Variants in HROB observed in about 807,000 individuals in gnomAD.
HROB encodes homologous recombination factor with OB-fold.
In HROB, 44 loss-of-function variants were observed where a neutral mutation model predicts 61.0. The observed-to-expected ratio is 0.72, with a 90% confidence interval of 0.57 to 0.93. HROB has a LOEUF of 0.93. Among genes scored for constraint, HROB ranks in the 40% least tolerant of loss-of-function variants. The pLI, the probability that HROB is intolerant of heterozygous loss-of-function variation, is 0.00. For missense variants in HROB, 716 were observed against 796.2 expected (o/e 0.90, Z 1.21); for synonymous variants, 301 against 310.4 (o/e 0.97, Z 0.32).
chr17:44,154,855 G>A lies in HROB; in HGVS notation c.1561G>A (p.Glu521Lys). 1 of 1,614,058 alleles carries A rather than the reference G, an allele frequency of 6.2e-7. No individual in the cohort carries two copies. The highest frequency in any genetic ancestry group is 8.5e-7 in the Non-Finnish European group (1 of 1,179,994). ...GATGGGCCATGTGGTATTTGCAGGA[G>A]AGATGCAGGGGACGGTGCACAGGTT... Reference protein sequence around the residue: ...ASVVFKDPTGEMQGTVHRLLL... With the variant: ...ASVVFKDPTGKMQGTVHRLLL... Residue 521 changes from glutamate (E) to lysine (K), a missense_variant and splice_region_variant, in exon 7 of 10, where the codon GAG becomes AAG. By Grantham distance (56) the Glu-to-Lys change is moderately conservative. Transcript: ENST00000585683.
At chr17:44,159,227 TAGTTAGA>T (rs2054059843) in intron 9 of HROB, among the ~76,000 whole-genome samples, 3 of 152,250 alleles carry the variant, frequency 2.0e-5, no homozygotes, top group African/African-American at 7.2e-5. Context: ...ATACAGAAAA[TAGTTAGA>T]ATAAGAAAAG....
rs186148735 is a variant in HROB at position 44,157,875 on chromosome 17, G to A, written c.1813G>A (p.Glu605Lys). Residue 605 changes from glutamate to lysine, a missense_variant, in exon 9 of 10, where the codon GAA (glutamate) becomes AAA (lysine). Physicochemically the swap from Glu to Lys is moderately conservative, Grantham distance 56. Transcript: ENST00000585683. ...FQHDVAAKPE[E>K]GFRTAQNLEA... ...GCATGATGTGGCTGCAAAGCCCGAGGAAGGCTTCAGAACAGCACAGAACCT... is the reference window on the plus strand; with the variant it reads ...GCATGATGTGGCTGCAAAGCCCGAGAAAGGCTTCAGAACAGCACAGAACCT... 4.3e-4 allele frequency: 699 copies of A among 1,613,768 alleles called. 1 individual carries two copies. Among genetic ancestry groups the A allele is most frequent in the Non-Finnish European group, 3.3e-5 (39 of 1,179,824 alleles).
chr17:44,154,128 G>A (rs1217024488), intron 5 of HROB, among the ~76,000 whole-genome samples: 3 of 152,050 alleles, frequency 2.0e-5, no homozygotes, highest in Non-Finnish European at 2.9e-5. Context: ...TGGATCACGA[G>A]GTCAGGAGTT....
At chr17:44,153,912 G>C (rs552684333) in intron 5 of HROB, among the ~76,000 whole-genome samples, 7 of 151,692 alleles carry the variant, frequency 4.6e-5, no homozygotes, top group African/African-American at 1.5e-4. Context: ...GCCAGGCTTG[G>C]TGGCACACGC....
rs778245506 is a variant in HROB at position 44,148,581 on chromosome 17, C to T, written c.778C>T (p.Pro260Ser). ...TCCTGTTCCAACTGCCTTAACAGTT[C>T]CCACTCAGCAACTCCACTGGGAAGT... ...HLPVPTALTV[P>S]TQQLHWEVCP... Residue 260 changes from proline to serine, a missense_variant, in exon 3 of 10, where the codon CCC becomes TCC. Coordinates refer to ENST00000585683, the MANE Select transcript of HROB (RefSeq NM_001171251.3). 1.2e-6 allele frequency: 2 copies of T among 1,613,964 alleles called. No individual in the cohort carries two copies. Among genetic ancestry groups the T allele is most frequent in the Non-Finnish European group, 1.7e-6 (2 of 1,180,022 alleles).
At chr17:44,155,741 G>A (rs1191917215) in intron 8 of HROB, among the ~76,000 whole-genome samples, 1 of 152,148 alleles carries the variant, frequency 6.6e-6, no homozygotes, top group Admixed American at 6.5e-5. Context: ...ATGACCGAGG[G>A]TCAGATCTGC....
chr17:44,142,739 C>T (rs1428027131), intron 1 of HROB, among the ~76,000 whole-genome samples: 1 of 152,148 alleles, frequency 6.6e-6, no homozygotes, highest in Non-Finnish European at 1.5e-5. Context: ...GCATCCTACT[C>T]TCCTGGGACC....
At chr17:44,150,296 C>T (rs1268296463) in intron 3 of HROB, among the ~76,000 whole-genome samples, 4 of 152,120 alleles carry the variant, frequency 2.6e-5, no homozygotes, top group Admixed American at 1.3e-4. Flanking sequence ...CGTCTATGTT[C>T]CTCCTGGGCT....
intron 9 of HROB, among the ~76,000 whole-genome samples, chr17:44,161,556 G>C (rs948880320): frequency 4.6e-5 from 7 of 152,192 alleles, no homozygotes; most frequent in Non-Finnish European, 1.0e-4. Context: ...GGTGACCTCT[G>C]AAGCCTTCTT....
At chr17:44,143,370 G>A (rs768099462) in intron 1 of HROB, among the ~76,000 whole-genome samples, 3 of 152,048 alleles carry the variant, frequency 2.0e-5, no homozygotes, top group Non-Finnish European at 4.4e-5. Context: ...TAGCCTGGGC[G>A]CAGTGGCTCA....
chr17:44,147,736 C>A, intron 2 of HROB, 122 bp from the exon 3 acceptor site: 1 of 1,019,044 alleles, frequency 9.8e-7, no homozygotes, highest in South Asian at 1.7e-5. Context: ...ATGCCCGACC[C>A]TCATGCTTTG....
chr17:44,156,023 A>G (rs2053958977), intron 8 of HROB, among the ~76,000 whole-genome samples: 1 of 152,110 alleles, frequency 6.6e-6, no homozygotes, highest in South Asian at 2.1e-4. Context: ...GATCTTGTGT[A>G]CTGAAAACGT....
intron 6 of HROB, 68 bp downstream of exon 6, chr17:44,154,732 A>AC (rs1382756842): frequency 6.3e-7 from 1 of 1,594,648 alleles, no homozygotes; most frequent in Non-Finnish European, 8.6e-7. Flanking sequence ...AGGTGGAATC[A>AC]CCCTCTCCCT....
At chr17:44,146,384 A>G (rs921894824) in intron 2 of HROB, among the ~76,000 whole-genome samples, 1 of 152,154 alleles carries the variant, frequency 6.6e-6, no homozygotes, top group Non-Finnish European at 1.5e-5. Context: ...CACAACTGCC[A>G]GTTTTGTCAA....
At position 44,141,945 on chromosome 17, in the gene HROB, G is replaced by A; in HGVS notation, c.-198G>A. ...GAGACGCCCCAGTGGCGGCGTCTTC[G>A]AATGCGGCCTAAGGCGCCTGCCGCC... is the stretch of plus-strand genomic sequence containing the variant. On this transcript the variant is annotated 5_prime_UTR_variant, in exon 1 of 10. Coordinates refer to ENST00000585683, the MANE Select transcript of HROB (RefSeq NM_001171251.3). 1.5e-6 allele frequency: 1 copy of A among 654,424 alleles called. No individual in the cohort carries two copies. Among genetic ancestry groups the A allele is most frequent in the Non-Finnish European group, 2.4e-6 (1 of 411,094 alleles). The allele number at this position is 654,424 out of a possible 1,614,324, so 40.5% of individuals were successfully genotyped here.
rs984299423 is a variant in HROB at position 44,142,283 on chromosome 17, C to T, written c.3+138C>T. On this transcript the variant is annotated intron_variant, in intron 1 of 9. Transcript: ENST00000585683. ...TGGGGGTTCGGCGGAGTCGGGAGAC[C>T]TGGGCTGTCGTCAGGGCTTGTCATG... The T allele has an allele frequency of 2.9e-5, 34 of 1,153,088 alleles. No homozygotes were observed. In the East Asian group the frequency reaches 8.5e-4, roughly 29 times the overall value. The allele number at this position is 1,153,088 out of a possible 1,614,324, so 71.4% of individuals were successfully genotyped here.
At chr17:44,159,866 C>T (rs537389882) in intron 9 of HROB, among the ~76,000 whole-genome samples, 2 of 152,320 alleles carry the variant, frequency 1.3e-5, no homozygotes, top group African/African-American at 4.8e-5. Flanking sequence ...GGACAAGGAG[C>T]GTGACCACTG....
Position 44,162,082 on chromosome 17 carries a change from T to A in HROB, c.*150T>A. 1 of 797,598 alleles carries A rather than the reference T, an allele frequency of 1.3e-6. No individual in the cohort carries two copies. The highest frequency in any genetic ancestry group is 2.0e-6 in the Non-Finnish European group (1 of 507,756). The allele number at this position is 797,598 out of a possible 1,614,324, so 49.4% of individuals were successfully genotyped here. A position where few individuals can be genotyped will look rare whatever the true frequency, so the allele number is the denominator to read the frequency against. ...TTGCTCCCACCCTGGGTGTTTTCCC[T>A]GAGAGCCCCCTCATCTCTGCGCTGC... is the stretch of plus-strand genomic sequence containing the variant. On this transcript the variant is annotated 3_prime_UTR_variant, in exon 10 of 10. Transcript: ENST00000585683.
chr17:44,158,521 T>C (rs982827116), intron 9 of HROB, among the ~76,000 whole-genome samples: 2 of 152,232 alleles, frequency 1.3e-5, no homozygotes, highest in South Asian at 4.1e-4. Context: ...TCTCATTCTG[T>C]TGCCCAGGCT....
Sources: allele counts gnomAD v4.1 joint callset (sites outside exome capture counted in the v4.1 genomes callset), GRCh38; gene constraint gnomAD v4.1.1; transcripts MANE v1.5; gene names NCBI Gene and HGNC (gene_info 2026-07-23, HGNC 2026-07-21).